The following PPP1R9A variants were observed in gnomAD, a reference collection of about 807,000 sequenced individuals.
The protein encoded by PPP1R9A is neurabin-1.
Under a neutral mutation model 141.9 loss-of-function variants are expected in PPP1R9A, and 59 were observed. The ratio of observed to expected loss-of-function variants is 0.42; its 90% confidence interval spans 0.34 to 0.52. The LOEUF is 0.52. PPP1R9A is among the 20% of genes least tolerant of loss of function. The probability of loss-of-function intolerance (pLI) is 0.10; values close to 1 mark genes in which losing one functional copy is unlikely to be tolerated. For missense variants in PPP1R9A, 1,444 were observed against 1,611.9 expected (o/e 0.90, Z 1.78); for synonymous variants, 500 against 569.7 (o/e 0.88, Z 1.74).
intron 2 of PPP1R9A, among the ~76,000 whole-genome samples, chr7:94,989,933 A>G (rs529512471): frequency 1.1e-3 from 167 of 152,252 alleles, no homozygotes; most frequent in African/African-American, 3.8e-3. Flanking sequence ...GAACATAATT[A>G]GAAAAAAGAC....
chr7:95,012,227 A>C (rs1023694254), intron 2 of PPP1R9A, among the ~76,000 whole-genome samples: 1 of 152,056 alleles, frequency 6.6e-6, no homozygotes, highest in African/African-American at 2.4e-5. Flanking sequence ...GCTTCTGGGG[A>C]GACCTCAGGA....
chr7:95,288,730 T>C lies in PPP1R9A; in HGVS notation c.3912+12T>C, dbSNP rs907654950. 12 of 1,612,324 alleles carry C rather than the reference T, an allele frequency of 7.4e-6. No individual in the cohort carries two copies. Among genetic ancestry groups the C allele is most frequent in the Non-Finnish European group, 1.0e-5 (12 of 1,179,082 alleles). Reference sequence around the variant, plus strand: ...GAAATAAACTTAAGGTAAAGAATTATATGTCTGTCTTAGGTTACCAGGTAT... The same window carrying C: ...GAAATAAACTTAAGGTAAAGAATTACATGTCTGTCTTAGGTTACCAGGTAT... On this transcript the variant is annotated intron_variant, in intron 19 of 19. Coordinates refer to ENST00000433360, the MANE Select transcript of PPP1R9A (RefSeq NM_001166160.2).
chr7:95,231,108 T>G (rs1437841756), intron 8 of PPP1R9A, among the ~76,000 whole-genome samples: 1 of 152,072 alleles, frequency 6.6e-6, no homozygotes, highest in African/African-American at 2.4e-5. Context: ...GGAGTAGCTA[T>G]TCTTAGACAA....
At chr7:95,232,166 T>C (rs1010946514) in intron 8 of PPP1R9A, among the ~76,000 whole-genome samples, 39 of 152,094 alleles carry the variant, frequency 2.6e-4, no homozygotes, top group African/African-American at 9.4e-4. Flanking sequence ...CCTGGAAATA[T>C]ACAATCACCC....
intron 5 of PPP1R9A, among the ~76,000 whole-genome samples, chr7:95,177,719 G>A (rs1465843675): frequency 6.6e-6 from 1 of 152,010 alleles, no homozygotes. Flanking sequence ...AAAGCGAGGA[G>A]TAGCTATTCT....
intron 7 of PPP1R9A, among the ~76,000 whole-genome samples, chr7:95,222,138 CA>C (rs1253094087): frequency 4.6e-5 from 7 of 151,948 alleles, no homozygotes; most frequent in Non-Finnish European, 4.4e-5. Flanking sequence ...TACAGAGGTG[CA>C]AGTCTTCAAA....
intron 2 of PPP1R9A, among the ~76,000 whole-genome samples, chr7:95,055,687 TC>T (rs1191412915): frequency 6.6e-6 from 1 of 152,162 alleles, no homozygotes; most frequent in Non-Finnish European, 1.5e-5. Flanking sequence ...CATGTACATC[TC>T]CTTGGTTTCT....
At chr7:95,182,171 T>TA (rs1281332377) in intron 5 of PPP1R9A, among the ~76,000 whole-genome samples, 3 of 150,968 alleles carry the variant, frequency 2.0e-5, no homozygotes, top group South Asian at 4.2e-4. Context: ...AACTGAAAAA[T>TA]AAAAAAATAA....
At chr7:95,109,764 A>G (rs1820211918) in intron 2 of PPP1R9A, among the ~76,000 whole-genome samples, 1 of 151,820 alleles carries the variant, frequency 6.6e-6, no homozygotes, top group African/African-American at 2.4e-5. Flanking sequence ...GAATTACTTG[A>G]GCTCAGAAAG....
intron 2 of PPP1R9A, among the ~76,000 whole-genome samples, chr7:94,976,367 A>G (rs1799444209): frequency 6.8e-6 from 1 of 147,974 alleles, no homozygotes; most frequent in South Asian, 2.1e-4. Context: ...TTTGAGATGA[A>G]GTCTCGCTCT....
At chr7:95,150,800 T>TAAAAAAAA (rs543259152) in intron 4 of PPP1R9A, among the ~76,000 whole-genome samples, 2,175 of 152,256 alleles carry the variant, frequency 0.014, 22 homozygotes, top group Non-Finnish European at 0.022. Flanking sequence ...TACGAAAAGC[T>TAAAAAAAA]CTTAAAACCT....
At chr7:95,244,963 T>C (rs1156962425) in intron 8 of PPP1R9A, among the ~76,000 whole-genome samples, 1 of 152,178 alleles carries the variant, frequency 6.6e-6, no homozygotes, top group Non-Finnish European at 1.5e-5. Context: ...TTTCTAATGC[T>C]CCATAGAGTA....
Position 95,296,394 on chromosome 7 carries a change from A to G in PPP1R9A, c.*6091A>G, listed in dbSNP as rs1212771762. 1.3e-5 allele frequency: 2 copies of G among 152,690 alleles called. No individual in the cohort carries two copies. Among genetic ancestry groups the G allele is most frequent in the Non-Finnish European group, 2.9e-5 (2 of 68,040 alleles). 9.5% of individuals were successfully genotyped at this position (152,690 alleles called of 1,614,324 possible). A position where few individuals can be genotyped will look rare whatever the true frequency, so the allele number is the denominator to read the frequency against. On this transcript the variant is annotated 3_prime_UTR_variant, in exon 20 of 20. Coordinates refer to ENST00000433360, the MANE Select transcript of PPP1R9A (RefSeq NM_001166160.2). The stretch of plus-strand genomic sequence containing the variant: ...TAGACAACGAATGCAATAAAAAGAA[A>G]TACTGAGGTCTGTTGAAGCAATTTT...
intron 6 of PPP1R9A, chr7:95,202,614 T>G: frequency 1.1e-6 from 1 of 910,302 alleles, no homozygotes; most frequent in Non-Finnish European, 1.3e-6. Flanking sequence ...CAATCAGCAC[T>G]ATTTCATGAC....
At chr7:95,090,860 A>G (rs1817252628) in intron 2 of PPP1R9A, among the ~76,000 whole-genome samples, 1 of 152,014 alleles carries the variant, frequency 6.6e-6, no homozygotes, top group African/African-American at 2.4e-5. Context: ...AGAAATTATG[A>G]TGTCTATATG....
intron 7 of PPP1R9A, among the ~76,000 whole-genome samples, chr7:95,210,153 A>G (rs1343289956): frequency 1.3e-5 from 2 of 152,190 alleles, no homozygotes; most frequent in African/African-American, 2.4e-5. Flanking sequence ...TTCTCTCTTT[A>G]TAAGTAGGTA....
chr7:94,962,425 G>T (rs1797735659), intron 2 of PPP1R9A, among the ~76,000 whole-genome samples: 1 of 151,858 alleles, frequency 6.6e-6, no homozygotes, highest in Non-Finnish European at 1.5e-5. Context: ...AAGCCACTCA[G>T]AATTTTGTAA....
At chr7:95,119,220 G>A (rs377514548) in intron 3 of PPP1R9A, among the ~76,000 whole-genome samples, 1 of 151,770 alleles carries the variant, frequency 6.6e-6, no homozygotes, top group Non-Finnish European at 1.5e-5. Flanking sequence ...CATGTGGCAC[G>A]CAAAATAGTG....
intron 2 of PPP1R9A, among the ~76,000 whole-genome samples, chr7:94,975,593 A>T (rs1027380164): frequency 6.6e-6 from 1 of 151,790 alleles, no homozygotes; most frequent in Non-Finnish European, 1.5e-5. Context: ...AACTCAGAAC[A>T]CATTTTTTTT....
Sources: allele counts gnomAD v4.1 joint callset (sites outside exome capture counted in the v4.1 genomes callset), GRCh38; gene constraint gnomAD v4.1.1; transcripts MANE v1.5; gene names NCBI Gene and HGNC (gene_info 2026-07-23, HGNC 2026-07-21).